The following MEGF6 variants were observed in gnomAD, a reference collection of about 807,000 sequenced individuals.
MEGF6 encodes the protein multiple EGF like domains 6.
In MEGF6, 184 loss-of-function variants were observed where a neutral mutation model predicts 207.1. The ratio of observed to expected loss-of-function variants is 0.89; its 90% CI spans 0.79 to 1.00. MEGF6 has a LOEUF of 1.00. Ranked by LOEUF, MEGF6 falls within the 50% of genes least tolerant of loss-of-function variation. The pLI, the probability that MEGF6 is intolerant of heterozygous loss-of-function variation, is 0.00. For missense variants in MEGF6, 2,282 were observed against 2,202.9 expected, an observed-to-expected ratio of 1.04 and a Z score of -0.72; for synonymous variants, 1,038 against 910.0, an observed-to-expected ratio of 1.14 and a Z score of -2.53.
At position 3,595,446 on chromosome 1, in the gene MEGF6, T is replaced by G; in HGVS notation, c.268A>C (p.Thr90Pro). The change falls in exon 3 of 37, where the codon ACC becomes CCC. Residue 90 changes from threonine to proline, a missense_variant and splice_region_variant. Thr to Pro is a conservative substitution (Grantham distance 38). Coordinates refer to ENST00000356575, the MANE Select transcript of MEGF6 (RefSeq NM_001409.4). ...TGCCTGTAGCCCATGTAGTAGACGGTTCTAGAAAGAAAGAGAGAAGGGAAG... is the reference window on the plus strand; with the variant it reads ...TGCCTGTAGCCCATGTAGTAGACGGGTCTAGAAAGAAAGAGAGAAGGGAAG... ...QAWCVGHERR[T>P]VYYMGYRQVY... The G allele has an allele frequency of 6.2e-7, 1 of 1,611,844 alleles. No homozygotes were observed. Among genetic ancestry groups the G allele is most frequent in the Non-Finnish European group, 8.5e-7 (1 of 1,179,232 alleles).
At chr1:3,607,896 G>A (rs969058686) in intron 1 of MEGF6, among the ~76,000 whole-genome samples, 1 of 152,218 alleles carries the variant, frequency 6.6e-6, no homozygotes, top group African/African-American at 2.4e-5. Context: ...GGCAGGCAGC[G>A]ACAGTCTGGG....
intron 3 of MEGF6, among the ~76,000 whole-genome samples, chr1:3,592,013 CT>C (rs760814297): frequency 4.6e-5 from 7 of 152,220 alleles, no homozygotes; most frequent in Admixed American, 2.0e-4. Context: ...TCAGCGAACA[CT>C]TGCTCCACAT....
Position 3,611,458 on chromosome 1 carries a change from T to A in MEGF6, c.-190A>T. 1 of 732,056 alleles carries A rather than the reference T, an allele frequency of 1.4e-6. No homozygotes were observed. Among genetic ancestry groups the A allele is most frequent in the Non-Finnish European group, 2.0e-6 (1 of 509,816 alleles). 45.3% of individuals were successfully genotyped at this position (732,056 alleles called of 1,614,324 possible). A position where few individuals can be genotyped will look rare whatever the true frequency, so the allele number is the denominator to read the frequency against. ...CGCCCAAAGTGGCACCGCGGAGACC[T>A]GATCGCCGGGTCCACCCTGCAGGAA... On this transcript the variant is annotated 5_prime_UTR_variant, in exon 1 of 37. Coordinates refer to ENST00000356575, the MANE Select transcript of MEGF6 (RefSeq NM_001409.4).
intron 4 of MEGF6, among the ~76,000 whole-genome samples, chr1:3,543,124 C>A (rs1285057038): frequency 1.3e-5 from 2 of 152,250 alleles, no homozygotes; most frequent in African/African-American, 4.8e-5. Context: ...CTGCCCCAGG[C>A]CAGTCTCCCA....
intron 4 of MEGF6, among the ~76,000 whole-genome samples, chr1:3,572,115 TGA>T (rs111440257): frequency 2.3e-4 from 31 of 135,608 alleles, no homozygotes; most frequent in African/African-American, 8.4e-4. Flanking sequence ...GGGTCCTTCC[TGA>T]GTGTGTTAGG....
Position 3,494,656 on chromosome 1 carries a change from G to A in MEGF6, c.3957C>T (p.Ser1319=). ...NGGLCHASNG[S]CSCGLGWTGR... ...CCGTCCAGCCCAGGCCACAGGAGCA[G>A]CTGCCGTTGCTGGCGTGGCACAGGC... The change falls in exon 31 of 37, where the codon AGC becomes AGT. Residue 1319 remains serine, a synonymous_variant. Coordinates refer to ENST00000356575, the MANE Select transcript of MEGF6 (RefSeq NM_001409.4). The A allele has an allele frequency of 6.4e-7, 1 of 1,565,368 alleles. No individual in the cohort carries two copies. Among genetic ancestry groups the A allele is most frequent in the Non-Finnish European group, 8.6e-7 (1 of 1,156,482 alleles).
intron 17 of MEGF6, among the ~76,000 whole-genome samples, chr1:3,504,988 C>T (rs4648511): frequency 1.6e-3 from 237 of 152,278 alleles, no homozygotes; most frequent in Admixed American, 0.01. Context: ...CTGCCCTGAG[C>T]AGACCAGACT....
At chr1:3,561,378 G>A (rs1180870768) in intron 4 of MEGF6, among the ~76,000 whole-genome samples, 1 of 152,188 alleles carries the variant, frequency 6.6e-6, no homozygotes, top group East Asian at 1.9e-4. Flanking sequence ...TTCCCACACA[G>A]GACCCCAGGG....
intron 3 of MEGF6, among the ~76,000 whole-genome samples, chr1:3,591,508 G>A (rs1200500204): frequency 6.6e-6 from 1 of 152,206 alleles, no homozygotes; most frequent in African/African-American, 2.4e-5. Flanking sequence ...CTGTATACAG[G>A]CACCAAGCAA....
chr1:3,544,435 G>C (rs991037244), intron 4 of MEGF6, among the ~76,000 whole-genome samples: 27 of 119,176 alleles, frequency 2.3e-4, no homozygotes, highest in African/African-American at 1.1e-3. Context: ...AGGGGCCCTC[G>C]GGGGCCTCTC....
At chr1:3,531,559 C>T (rs1318046315) in intron 4 of MEGF6, 3 of 944,740 alleles carry the variant, frequency 3.2e-6, no homozygotes. Context: ...CGCGCCGGCC[C>T]GCCCGCCCCG....
chr1:3,497,526 G>T, intron 26 of MEGF6, 165 bp from the exon 27 acceptor site: 1 of 958,440 alleles, frequency 1.0e-6, no homozygotes, highest in Non-Finnish European at 1.5e-6. Context: ...CACCCCGGAG[G>T]GCAGAGGCAG....
Position 3,518,872 on chromosome 1 carries a change from C to A in MEGF6, c.605-3345G>T, listed in dbSNP as rs373077015. ...GCGTGTTCATCCCCCAGCTCCCCTC[C>A]AGGCGGGCCTGCCCTGTACACCTGC... is the stretch of plus-strand genomic sequence containing the variant. On this transcript the variant is annotated intron_variant, in intron 5 of 36. Transcript: ENST00000356575. 1.4e-4 allele frequency among the ~76,000 whole-genome samples: 22 copies of A among 152,342 alleles called. No homozygotes were observed. In the East Asian group the frequency reaches 2.1e-3, roughly 15 times the overall value.
At chr1:3,500,520 G>A (rs1026052893) in intron 21 of MEGF6, 113 bp downstream of exon 21, 19 of 1,403,542 alleles carry the variant, frequency 1.4e-5, no homozygotes, top group Admixed American at 2.6e-5. Context: ...AAGGCTTCGT[G>A]TGTGTGCGTG....
rs769523839 is a variant in MEGF6, at chr1:3,501,220, G to A, written c.2403C>T (p.Ala801=). The change falls in exon 19 of 37, where the codon GCC becomes GCT. Residue 801 remains alanine (A), a synonymous_variant. Transcript: ENST00000356575. ...HAARCDPETG[A]CLCLPGFVGS... ...CGACGAAGCCAGGGAGGCACAGGCAGGCTCCGGTCTCAGGGTCGCAGCGGG... is the reference window on the plus strand; with the variant it reads ...CGACGAAGCCAGGGAGGCACAGGCAAGCTCCGGTCTCAGGGTCGCAGCGGG... The A allele has an allele frequency of 5.1e-5, 83 of 1,612,126 alleles. No individual in the cohort carries two copies. In the South Asian group the frequency reaches 8.5e-4, roughly 16 times the overall value.
At chr1:3,575,614 C>CG (rs1643618995) in intron 4 of MEGF6, among the ~76,000 whole-genome samples, 1 of 108,594 alleles carries the variant, frequency 9.2e-6, no homozygotes, top group Non-Finnish European at 1.9e-5. Context: ...TGGCAGAAGG[C>CG]AAGGAGGAGC....
the MEGF6 span, among the ~76,000 whole-genome samples, chr1:3,622,116 T>C: frequency 2.6e-5 from 4 of 152,100 alleles, no homozygotes; most frequent in Non-Finnish European, 5.9e-5. Flanking sequence ...GGTTTTGAAA[T>C]GTAAAAAGGA....
intron 20 of MEGF6, 89 bp from the exon 21 acceptor site, chr1:3,500,853 T>TG: frequency 1.3e-6 from 2 of 1,594,310 alleles, no homozygotes; most frequent in Non-Finnish European, 1.7e-6. Context: ...GTCTCAGGAC[T>TG]GGGGCAAGGC....
chr1:3,491,551 C>A (rs1640365625), intron 35 of MEGF6, among the ~76,000 whole-genome samples: 1 of 152,112 alleles, frequency 6.6e-6, no homozygotes, highest in East Asian at 1.9e-4. Flanking sequence ...TAGAAAGGCA[C>A]AAACAGATGC....
Sources: gnomAD v4.1 joint callset for allele counts (sites outside exome capture counted in the v4.1 genomes callset) on GRCh38, gnomAD v4.1.1 for gene constraint, MANE v1.5 for transcripts, NCBI Gene and HGNC (gene_info 2026-07-23, HGNC 2026-07-21) for gene names.